PCDH20: variants seen among roughly 807,000 people sequenced by gnomAD.
The protein encoded by PCDH20 is protocadherin 20, also known as protocadherin-20.
A neutral mutation model predicts 39.7 loss-of-function variants in PCDH20; 18 were observed. The observed-to-expected ratio is 0.45, with a 90% CI of 0.31 to 0.67. PCDH20 has a LOEUF of 0.67. PCDH20 is among the 30% of genes least tolerant of loss of function. The pLI is 0.05. For synonymous variants in PCDH20, 495 were observed against 455.4 expected (o/e 1.09, Z -1.11); for missense variants, 1,161 against 1,167.4 (o/e 0.99, Z 0.08).
exon 2 of PCDH20, chr13:61,411,646 T>C (rs1874985211): frequency 9.9e-6 from 16 of 1,614,226 alleles, no homozygotes; most frequent in African/African-American, 1.3e-5. Context: ...CAGTAAGCGA[T>C]GGAGCCCATA....
chr13:61,410,323 A>G (rs928319334), exon 2 of PCDH20: 1 of 152,170 alleles, frequency 6.6e-6, no homozygotes, highest in Non-Finnish European at 1.5e-5. Flanking sequence ...GATGATTTCA[A>G]GCCTATAAAA....
chr13:61,411,696 A>G (rs1373017233), exon 2 of PCDH20: 1 of 1,614,176 alleles, frequency 6.2e-7, no homozygotes, highest in Admixed American at 1.7e-5. Flanking sequence ...TAATGTTGCC[A>G]GTTTTAGGGT....
rs1241618497 is a variant in PCDH20, at chr13:61,415,288, A to T, written c.-130T>A. 3 of 1,147,858 alleles carry T rather than the reference A, an allele frequency of 2.6e-6. No homozygotes were observed. The highest frequency in any genetic ancestry group is 3.4e-6 in the Non-Finnish European group (3 of 891,074). The allele number at this position is 1,147,858 out of a possible 1,614,324, so 71.1% of individuals were successfully genotyped here. ...GCTCTTCAATTAAGGACGGGAACTCAAAGAGTGGCAGAAAGGCAAGAGGGC... is the reference window on the plus strand; with the variant it reads ...GCTCTTCAATTAAGGACGGGAACTCTAAGAGTGGCAGAAAGGCAAGAGGGC... On this transcript the variant is annotated 5_prime_UTR_variant, in exon 1 of 2. It removes the in-frame stop codon of an upstream open reading frame in the 5' UTR. Coordinates refer to ENST00000409204, the Ensembl canonical transcript of PCDH20.
At chr13:61,412,186 C>G (rs781466949) in exon 2 of PCDH20, 2 of 1,613,982 alleles carry the variant, frequency 1.2e-6, no homozygotes, top group Admixed American at 1.7e-5. Context: ...GTTGATAAAC[C>G]GAGGACTGTT....
intron 1 of PCDH20, 97 bp downstream of exon 1, chr13:61,414,928 TAG>T: frequency 7.9e-7 from 1 of 1,258,412 alleles, no homozygotes; most frequent in African/African-American, 1.6e-5. Context: ...CCGTGAAGTT[TAG>T]ATAAAGGTAG....
chr13:61,414,838 T>C (rs79312776), intron 1 of PCDH20, among the ~76,000 whole-genome samples, 189 bp downstream of exon 1: 1 of 152,198 alleles, frequency 6.6e-6, no homozygotes, highest in Non-Finnish European at 1.5e-5. Context: ...CTTCCTCTCA[T>C]GACCCACGGA....
chr13:61,412,537 A>G (rs762099942), exon 2 of PCDH20: 4 of 1,614,078 alleles, frequency 2.5e-6, no homozygotes, highest in African/African-American at 1.3e-5. Context: ...TTGCACTTTA[A>G]TGACCCTTTT....
chr13:61,410,588 C>T (rs565440220), exon 2 of PCDH20: 2 of 152,678 alleles, frequency 1.3e-5, no homozygotes, highest in East Asian at 3.9e-4. Context: ...AAGTGGAATA[C>T]TCTTCAGCAG....
chr13:61,415,636 T>C (rs924870789), upstream of PCDH20: 2 of 152,912 alleles, frequency 1.3e-5, no homozygotes, highest in African/African-American at 4.8e-5. Context: ...TCCTGGAGCC[T>C]CGGATCCAGC....
chr13:61,415,126 C>T, exon 1 of PCDH20: 2 of 1,515,268 alleles, frequency 1.3e-6, no homozygotes, highest in Non-Finnish European at 8.9e-7. Flanking sequence ...CTCCCAGGGC[C>T]TGTGAGCTGC....
exon 2 of PCDH20, chr13:61,410,031 G>A (rs1436795068): frequency 2.0e-5 from 3 of 152,016 alleles, no homozygotes; most frequent in Non-Finnish European, 4.4e-5. Flanking sequence ...ACAATGAATT[G>A]AAAGTGATAA....
exon 2 of PCDH20, chr13:61,411,878 G>C: frequency 2.5e-6 from 4 of 1,614,126 alleles, no homozygotes; most frequent in Non-Finnish European, 3.4e-6. Context: ...AACAAAACAA[G>C]AGGAGGGTTG....
exon 2 of PCDH20, chr13:61,413,826 C>T (rs752478699): frequency 1.7e-5 from 27 of 1,612,820 alleles, no homozygotes; most frequent in Non-Finnish European, 2.3e-5. Context: ...ACCTGGGCAG[C>T]AGCCGCAGGT....
At chr13:61,414,003 A>C in intron 1 of PCDH20, 37 bp from the exon 2 acceptor site, 1 of 1,537,598 alleles carries the variant, frequency 6.5e-7, no homozygotes, top group Non-Finnish European at 8.9e-7. Flanking sequence ...CATTACACAC[A>C]CGGGGAAATA....
chr13:61,413,056 T>G, exon 2 of PCDH20: 1 of 1,614,202 alleles, frequency 6.2e-7, no homozygotes, highest in Non-Finnish European at 8.5e-7. Context: ...GGTCCCCAAG[T>G]CTTTATCCAC....
In PCDH20 at chr13:61,413,417, G is replaced by A. The variant is rs139808371; in HGVS notation, c.682C>T (p.Leu228=). 30 of 1,613,952 alleles carry A rather than the reference G, an allele frequency of 1.9e-5. No homozygotes were observed. The African/African-American group carries it at 3.7e-4, about 20-fold the overall frequency. Residue 228 remains leucine, a synonymous_variant, in exon 2 of 2, where the codon CTG becomes TTG. Transcript: ENST00000409204. The stretch of plus-strand genomic sequence containing the variant: ...TCCACAGCAGGATGCTCTATGGCCA[G>A]TCGGGTGTTTACAGGTGCATTTTCC...
At chr13:61,410,408 A>G (rs1593782910) in exon 2 of PCDH20, 1 of 152,298 alleles carries the variant, frequency 6.6e-6, no homozygotes, top group East Asian at 1.9e-4. Context: ...ATGCCTATGA[A>G]GCAACTAAAG....
rs35557326 is a variant in PCDH20 at position 61,413,647 on chromosome 13, G to A, written c.452C>T (p.Ala151Val). 6.4e-5 allele frequency: 104 copies of A among 1,614,144 alleles called. No homozygotes were observed. In the African/African-American group the frequency reaches 1.3e-3, roughly 19 times the overall value. The change falls in exon 2 of 2, where the codon GCC becomes GTC. Residue 151 changes from alanine to valine, a missense_variant. Transcript: ENST00000409204. ...CCCTCCACCCCCTTCAACACACAGG[G>A]CCTCCCTGTCGATCTCCTGAGCTGA...
At chr13:61,412,357 TATG>T (rs1878264008) in exon 2 of PCDH20, 1 of 1,614,008 alleles carries the variant, frequency 6.2e-7, no homozygotes, top group African/African-American at 1.3e-5. Context: ...TAAGGAAAAA[TATG>T]ATGGAGCATC....
Sources: gnomAD v4.1 joint callset for allele counts (sites outside exome capture counted in the v4.1 genomes callset) on GRCh38, gnomAD v4.1.1 for gene constraint, MANE v1.5 for transcripts, NCBI Gene and HGNC (gene_info 2026-07-23, HGNC 2026-07-21) for gene names.